Variants in MCTP2 observed in about 807,000 individuals in gnomAD.
The protein encoded by MCTP2 is multiple C2 and transmembrane domain-containing protein 2.
In MCTP2, 132 loss-of-function variants were observed where a neutral mutation model predicts 111.6. The ratio of observed to expected loss-of-function variants is 1.18; its 90% CI spans 1.03 to 1.37. The LOEUF (loss-of-function observed/expected upper bound fraction) is 1.37. Among genes scored for constraint, MCTP2 ranks in the 40% most tolerant of loss-of-function variants. The pLI, the probability that MCTP2 is intolerant of heterozygous loss-of-function variation, is 0.00. For synonymous variants in MCTP2, 395 were observed against 387.7 expected, an observed-to-expected ratio of 1.02 and a Z score of -0.22; for missense variants, 1,183 against 1,067.9, an observed-to-expected ratio of 1.11 and a Z score of -1.50.
chr15:94,476,824 G>C (rs2074406563), intron 22 of MCTP2, 31 bp downstream of exon 22: 3 of 1,288,432 alleles, frequency 2.3e-6, no homozygotes, highest in Non-Finnish European at 3.4e-6. Context: ...ACCAACAGTG[G>C]CCCCAACCTG....
At chr15:94,314,235 A>G (rs1396161487) in intron 2 of MCTP2, 47 bp from the exon 3 acceptor site, 2 of 1,348,698 alleles carry the variant, frequency 1.5e-6, no homozygotes, top group Admixed American at 3.6e-5. Flanking sequence ...CTGAGTTGGT[A>G]TTAATTTGCT....
chr15:94,423,566 G>C (rs1026747872), intron 17 of MCTP2, among the ~76,000 whole-genome samples: 2 of 152,122 alleles, frequency 1.3e-5, no homozygotes, highest in African/African-American at 4.8e-5. Flanking sequence ...ATGTTCCTTT[G>C]ACTACTGTGG....
At chr15:94,260,806 G>GA (rs1255377103) in intron 1 of MCTP2, among the ~76,000 whole-genome samples, 1 of 152,086 alleles carries the variant, frequency 6.6e-6, no homozygotes, top group East Asian at 1.9e-4. Flanking sequence ...ACGTTAACCT[G>GA]AAAAAATGAG....
At chr15:94,473,260 C>T (rs1236525756) in intron 21 of MCTP2, among the ~76,000 whole-genome samples, 2 of 152,056 alleles carry the variant, frequency 1.3e-5, no homozygotes. Context: ...CTCTTTAGCC[C>T]TATAATTCTT....
intron 17 of MCTP2, among the ~76,000 whole-genome samples, chr15:94,413,778 A>T (rs549612017): frequency 6.6e-6 from 1 of 152,360 alleles, no homozygotes; most frequent in African/African-American, 2.4e-5. Flanking sequence ...GACAATACAT[A>T]GTGAATATGA....
At chr15:94,232,898 G>T (rs1216796673) in intron 1 of MCTP2, among the ~76,000 whole-genome samples, 1 of 152,180 alleles carries the variant, frequency 6.6e-6, no homozygotes, top group Non-Finnish European at 1.5e-5. Flanking sequence ...CAAGCACCAT[G>T]CTAGGCACTT....
chr15:94,434,268 C>T (rs2083344283), intron 17 of MCTP2, among the ~76,000 whole-genome samples: 1 of 151,678 alleles, frequency 6.6e-6, no homozygotes, highest in Non-Finnish European at 1.5e-5. Context: ...ACACCCAGCT[C>T]ATTTTTGTGA....
At chr15:94,257,156 AT>A (rs2072827562) in intron 1 of MCTP2, among the ~76,000 whole-genome samples, 1 of 152,056 alleles carries the variant, frequency 6.6e-6, no homozygotes, top group African/African-American at 2.4e-5. Context: ...ATCCATTCCT[AT>A]TTTTGGAATC....
intron 1 of MCTP2, among the ~76,000 whole-genome samples, chr15:94,268,022 C>CGG (rs1021731193): frequency 6.0e-5 from 9 of 149,528 alleles, no homozygotes; most frequent in Non-Finnish European, 1.2e-4. Context: ...CCCGCCACCA[C>CGG]ACCTGGCTAA....
chr15:94,476,794 G>T lies in MCTP2; in HGVS notation c.2568+1G>T. On this transcript the variant is annotated splice_donor_variant, in intron 22 of 22. Coordinates refer to ENST00000357742, the MANE Select transcript of MCTP2 (RefSeq NM_001385001.1). LOFTEE classifies it high-confidence loss of function. ...TAGGGTACCGTCTGATGTTCAAAAG[G>T]TATGTAATGAATGGTTACCACCAAC... is the stretch of plus-strand genomic sequence containing the variant. 1 of 1,554,888 alleles carries T rather than the reference G, an allele frequency of 6.4e-7. No individual in the cohort carries two copies. Among genetic ancestry groups the T allele is most frequent in the Non-Finnish European group, 8.9e-7 (1 of 1,126,600 alleles).
intron 4 of MCTP2, among the ~76,000 whole-genome samples, chr15:94,328,413 C>G (rs1271330661): frequency 6.6e-6 from 1 of 152,184 alleles, no homozygotes; most frequent in Non-Finnish European, 1.5e-5. Context: ...CAGGTGTGAG[C>G]CACCGCGCCC....
At chr15:94,376,810 T>C (rs764462816) in intron 12 of MCTP2, among the ~76,000 whole-genome samples, 2 of 152,212 alleles carry the variant, frequency 1.3e-5, no homozygotes, top group African/African-American at 4.8e-5. Context: ...CAAAAAAATA[T>C]GCTTCATGGT....
chr15:94,299,974 A>G (rs1489190052), intron 2 of MCTP2, among the ~76,000 whole-genome samples: 1 of 152,026 alleles, frequency 6.6e-6, no homozygotes, highest in Non-Finnish European at 1.5e-5. Flanking sequence ...ACCTTTTTTG[A>G]CTTTTTAGTT....
chr15:94,443,298 G>T (rs77862237), intron 19 of MCTP2, among the ~76,000 whole-genome samples: 2,876 of 152,238 alleles, frequency 0.019, 95 homozygotes, highest in African/African-American at 0.065. Context: ...AATTGCTGCT[G>T]CTTTAGGCTC....
At chr15:94,370,251 A>T in intron 12 of MCTP2, 71 bp downstream of exon 12, 1 of 1,230,148 alleles carries the variant, frequency 8.1e-7, no homozygotes, top group Non-Finnish European at 1.2e-6. Context: ...CTGGCAAAGC[A>T]AAATGCTTAA....
At chr15:94,460,112 C>T (rs1301777310) in intron 20 of MCTP2, among the ~76,000 whole-genome samples, 1 of 152,080 alleles carries the variant, frequency 6.6e-6, no homozygotes, top group Non-Finnish European at 1.5e-5. Flanking sequence ...GAGGGAGAAA[C>T]AGAGTAATAG....
chr15:94,303,256 G>A (rs912323395), intron 2 of MCTP2, among the ~76,000 whole-genome samples: 2 of 151,566 alleles, frequency 1.3e-5, no homozygotes, highest in African/African-American at 4.8e-5. Context: ...AGGCTGAGGA[G>A]CAAGCAGTCC....
intron 2 of MCTP2, among the ~76,000 whole-genome samples, chr15:94,300,081 T>C (rs948577984): frequency 1.3e-5 from 2 of 152,232 alleles, no homozygotes; most frequent in African/African-American, 2.4e-5. Context: ...TGTTGAATTA[T>C]ATAATAAAGT....
chr15:94,346,378 A>G (rs1331086074), intron 8 of MCTP2, among the ~76,000 whole-genome samples: 3 of 152,202 alleles, frequency 2.0e-5, no homozygotes, highest in Admixed American at 2.0e-4. Context: ...TTAATATTCA[A>G]GAAATAATAA....
Sources: gnomAD v4.1 joint callset for allele counts (sites outside exome capture counted in the v4.1 genomes callset) on GRCh38, gnomAD v4.1.1 for gene constraint, MANE v1.5 for transcripts, NCBI Gene and HGNC (gene_info 2026-07-23, HGNC 2026-07-21) for gene names.